MRPS22: variants seen among roughly 807,000 people sequenced by gnomAD.
MRPS22 encodes mitochondrial ribosomal protein S22, also known as small ribosomal subunit protein mS22.
Under a neutral mutation model 44.0 loss-of-function variants are expected in MRPS22, and 30 were observed. The ratio of observed to expected loss-of-function variants is 0.68; its 90% CI spans 0.51 to 0.93. The LOEUF is 0.93. Ranked by LOEUF, MRPS22 falls within the 40% of genes least tolerant of loss-of-function variation. The pLI, the probability that MRPS22 is intolerant of heterozygous loss-of-function variation, is 0.00. For synonymous variants in MRPS22, 165 were observed against 154.4 expected, an observed-to-expected ratio of 1.07 and a Z score of -0.51; for missense variants, 447 against 447.8, an observed-to-expected ratio of 1.00 and a Z score of 0.02.
chr3:139,355,660 C>T, intron 6 of MRPS22, 22 bp from the exon 7 acceptor site: 1 of 1,585,856 alleles, frequency 6.3e-7, no homozygotes, highest in South Asian at 1.1e-5. Context: ...CCCTAGATAA[C>T]ATTAAACCCT....
In MRPS22 at chr3:139,351,031, T is replaced by G; in HGVS notation, c.703T>G (p.Phe235Val). 6.2e-7 allele frequency: 1 copy of G among 1,614,156 alleles called. No homozygotes were observed. Among genetic ancestry groups the G allele is most frequent in the South Asian group, 1.1e-5 (1 of 91,088 alleles). Residue 235 changes from phenylalanine to valine, a missense_variant, in exon 5 of 8, where the codon TTT becomes GTT. Phe to Val is a conservative substitution (Grantham distance 50). Coordinates refer to ENST00000680020, the MANE Select transcript of MRPS22 (RefSeq NM_020191.4). ...TGTCCTCAATCTCTGCTTTGCCCAG[T>G]TTGAGCCAGATTCCACAGAGTATAT... is the stretch of plus-strand genomic sequence containing the variant. ...VDVLNLCFAQ[F>V]EPDSTEYIKV...
rs764560951 is a variant in MRPS22, at chr3:139,348,147, T to G, written c.340-13T>G. ...CCTTGTGGCTTTCCTTAATAAATAT[T>G]TTCTTTCATTAGGCTACAAGACAGG... On this transcript the variant is annotated splice_polypyrimidine_tract_variant and intron_variant, in intron 2 of 7. Coordinates refer to ENST00000680020, the MANE Select transcript of MRPS22 (RefSeq NM_020191.4). The G allele has an allele frequency of 1.2e-6, 2 of 1,613,702 alleles. No individual in the cohort carries two copies. The highest frequency in any genetic ancestry group is 3.3e-5 in the Admixed American group (2 of 60,024).
chr3:139,347,721 TTAC>T (rs1941067393), intron 2 of MRPS22, among the ~76,000 whole-genome samples: 1 of 152,218 alleles, frequency 6.6e-6, no homozygotes, highest in Non-Finnish European at 1.5e-5. Context: ...TTCTAGCAAT[TTAC>T]TTAACATCTG....
At chr3:139,346,574 C>T (rs1366202840) in intron 1 of MRPS22, among the ~76,000 whole-genome samples, 4 of 152,196 alleles carry the variant, frequency 2.6e-5, no homozygotes, top group Non-Finnish European at 5.9e-5. Context: ...TTATACCTGC[C>T]ATATAGGAGA....
At position 139,348,336 on chromosome 3, in the gene MRPS22, T is replaced by C; in HGVS notation, c.504+12T>C. ...GCATACCACACCGGGTGAGTATATG[T>C]CTAATCGCAAAATGATCTTTCTTTG... is the stretch of plus-strand genomic sequence containing the variant. On this transcript the variant is annotated intron_variant, in intron 3 of 7. Coordinates refer to ENST00000680020, the MANE Select transcript of MRPS22 (RefSeq NM_020191.4). The C allele has an allele frequency of 6.2e-7, 1 of 1,612,402 alleles. No homozygotes were observed.
intron 3 of MRPS22, among the ~76,000 whole-genome samples, chr3:139,349,961 C>A (rs966357196): frequency 1.3e-5 from 2 of 152,142 alleles, no homozygotes; most frequent in African/African-American, 4.8e-5. Flanking sequence ...TGAATACTTT[C>A]ATTTTAGATT....
At chr3:139,350,138 G>T in intron 3 of MRPS22, 41 bp from the exon 4 acceptor site, 1 of 1,612,816 alleles carries the variant, frequency 6.2e-7, no homozygotes, top group Non-Finnish European at 8.5e-7. Context: ...CTAAAAATAC[G>T]TCCTCACAAA....
chr3:139,353,230 G>C (rs1560008286), intron 6 of MRPS22, among the ~76,000 whole-genome samples: 1 of 152,170 alleles, frequency 6.6e-6, no homozygotes. Context: ...CCTTGCTTTT[G>C]CAAGATTTTT....
At chr3:139,349,298 G>A (rs1941103783) in intron 3 of MRPS22, 1 of 443,964 alleles carries the variant, frequency 2.3e-6, no homozygotes. Flanking sequence ...GTATTATGTT[G>A]GCATGTGCTT....
chr3:139,345,902 A>G (rs987961498), intron 1 of MRPS22, among the ~76,000 whole-genome samples: 16 of 152,312 alleles, frequency 1.1e-4, no homozygotes, highest in African/African-American at 3.8e-4. Context: ...TCGTGGCAGG[A>G]TAGGAGAAAT....
intron 6 of MRPS22, 38 bp downstream of exon 6, chr3:139,352,830 T>C (rs1314698759): frequency 8.1e-6 from 13 of 1,596,564 alleles, no homozygotes; most frequent in African/African-American, 2.7e-5. Flanking sequence ...ATCATTCTTA[T>C]TGCTCTAACA....
At position 139,350,429 on chromosome 3, in the gene MRPS22, A is replaced by C. The variant is rs1361071385; in HGVS notation, c.648+107A>C. 5.5e-6 allele frequency: 7 copies of C among 1,279,952 alleles called. No homozygotes were observed. The South Asian group carries it at 9.3e-5, about 17-fold the overall frequency. The allele number at this position is 1,279,952 out of a possible 1,614,324, so 79.3% of individuals were successfully genotyped here. A position where few individuals can be genotyped will look rare whatever the true frequency, so the allele number is the denominator to read the frequency against. ...GATAAACATTTCTAATGATAACTTG[A>C]CTTTTTTTTTTTTTTGAAATGGAGT... On this transcript the variant is annotated intron_variant, in intron 4 of 7. Transcript: ENST00000680020.
chr3:139,355,144 T>C (rs1286932470), intron 6 of MRPS22, among the ~76,000 whole-genome samples: 3 of 152,208 alleles, frequency 2.0e-5, no homozygotes, highest in Non-Finnish European at 4.4e-5. Context: ...GATGCTATTT[T>C]ACTAATGCGT....
intron 1 of MRPS22, among the ~76,000 whole-genome samples, chr3:139,345,307 G>C (rs149956135): frequency 1.3e-5 from 2 of 152,154 alleles, no homozygotes; most frequent in African/African-American, 2.4e-5. Context: ...ATCTGTAGTG[G>C]GGCCAGAATG....
At position 139,357,070 on chromosome 3, in the gene MRPS22, T is replaced by C. The variant is rs1941296642; in HGVS notation, c.*56T>C. ...AATACTGACTACATTTCTCTGTTAA[T>C]ATTGAGCTAAATGTTAAAAAATGGC... On this transcript the variant is annotated 3_prime_UTR_variant, in exon 8 of 8. Transcript: ENST00000680020. 2 of 1,374,266 alleles carry C rather than the reference T, an allele frequency of 1.5e-6. No individual in the cohort carries two copies. The highest frequency in any genetic ancestry group is 2.5e-5 in the East Asian group (1 of 40,254). The allele number at this position is 1,374,266 out of a possible 1,614,324, so 85.1% of individuals were successfully genotyped here. A position where few individuals can be genotyped will look rare whatever the true frequency, so the allele number is the denominator to read the frequency against.
intron 1 of MRPS22, among the ~76,000 whole-genome samples, 198 bp from the exon 2 acceptor site, chr3:139,346,680 G>A (rs1941043341): frequency 6.6e-6 from 1 of 152,200 alleles, no homozygotes; most frequent in Admixed American, 6.5e-5. Flanking sequence ...CAGAGACCGA[G>A]TCTATCTCCT....
At chr3:139,347,135 T>G in intron 2 of MRPS22, 91 bp downstream of exon 2, 1 of 1,406,298 alleles carries the variant, frequency 7.1e-7, no homozygotes, top group Non-Finnish European at 1.0e-6. Flanking sequence ...ATAGCTATTC[T>G]TCCATAGGCA....
intron 2 of MRPS22, among the ~76,000 whole-genome samples, chr3:139,347,750 T>C (rs528311453): frequency 3.3e-5 from 5 of 152,342 alleles, no homozygotes; most frequent in African/African-American, 1.2e-4. Flanking sequence ...CTCTGTTTTT[T>C]CTTCTGTAAA....
chr3:139,353,278 G>T (rs2107790586), intron 6 of MRPS22, among the ~76,000 whole-genome samples: 1 of 152,290 alleles, frequency 6.6e-6, no homozygotes, highest in South Asian at 2.1e-4. Context: ...AGAGTAGCAT[G>T]AAACAAAAAA....
Sources: gnomAD v4.1 joint callset for allele counts (sites outside exome capture counted in the v4.1 genomes callset) on GRCh38, gnomAD v4.1.1 for gene constraint, MANE v1.5 for transcripts, NCBI Gene and HGNC (gene_info 2026-07-23, HGNC 2026-07-21) for gene names.